MPZL1: variants seen among roughly 807,000 people sequenced by gnomAD.
MPZL1 encodes the protein myelin protein zero like 1, also known as myelin protein zero-like protein 1.
MPZL1 carries 16 observed loss-of-function variants against 29.3 expected under a neutral mutation model. That is an observed-to-expected ratio of 0.55 (90% CI 0.37 to 0.83). MPZL1 has a LOEUF of 0.83. Among genes scored for constraint, MPZL1 ranks in the 40% least tolerant of loss-of-function variants. The probability of loss-of-function intolerance (pLI) is 0.00; values close to 1 mark genes in which losing one functional copy is unlikely to be tolerated. For synonymous variants in MPZL1, 143 were observed against 132.0 expected, an observed-to-expected ratio of 1.08 and a Z score of -0.57; for missense variants, 279 against 332.9, an observed-to-expected ratio of 0.84 and a Z score of 1.26.
At position 167,789,728 on chromosome 1, in the gene MPZL1, C is replaced by T. The variant is rs1292603673; in HGVS notation, c.*1807C>T. ...CATGTCTGAAGCTGGGCAGCGTCTG[C>T]TCTGTGTTCTGTGTGGAATGGAGAA... On this transcript the variant is annotated 3_prime_UTR_variant, in exon 6 of 6. Transcript: ENST00000359523. 1 of 152,192 alleles carries T rather than the reference C, an allele frequency of 6.6e-6. No homozygotes were observed. Among genetic ancestry groups the T allele is most frequent in the Non-Finnish European group, 1.5e-5 (1 of 68,084 alleles). The allele number at this position is 152,192 out of a possible 1,614,324, so 9.4% of individuals were successfully genotyped here. A position where few individuals can be genotyped will look rare whatever the true frequency, so the allele number is the denominator to read the frequency against.
At chr1:167,745,241 A>G (rs1660620653) in intron 1 of MPZL1, among the ~76,000 whole-genome samples, 1 of 152,140 alleles carries the variant, frequency 6.6e-6, no homozygotes, top group Non-Finnish European at 1.5e-5. Context: ...AAAGGGGTAC[A>G]GCTTGAAAGC....
rs190797485 is a variant in MPZL1 at position 167,756,192 on chromosome 1, A to C, written c.92-9391A>C. ...TTTTTACAGTCTCACTCTGTCACAC[A>C]GGCTGGAGTGTAGTGGCACAATCAC... On this transcript the variant is annotated intron_variant, in intron 1 of 5. Coordinates refer to ENST00000359523, the MANE Select transcript of MPZL1 (RefSeq NM_003953.6). Among the ~76,000 whole-genome samples the C allele has an allele frequency of 5.5e-4, 84 of 152,124 alleles. No individual in the cohort carries two copies. In the Middle Eastern group the frequency reaches 0.01, roughly 19 times the overall value.
chr1:167,757,691 C>T (rs1571153889), intron 1 of MPZL1, among the ~76,000 whole-genome samples: 1 of 152,174 alleles, frequency 6.6e-6, no homozygotes, highest in African/African-American at 2.4e-5. Context: ...TTGCTGTGTA[C>T]CAACAAAGAA....
Position 167,772,304 on chromosome 1 carries a change from C to T in MPZL1, c.288C>T (p.Tyr96=). 6.2e-7 allele frequency: 1 copy of T among 1,613,802 alleles called. No individual in the cohort carries two copies. Among genetic ancestry groups the T allele is most frequent in the Non-Finnish European group, 8.5e-7 (1 of 1,179,754 alleles). ...TCCACTACTCCCAAGGGCAAGTGTACCTTGGGAATTATCCACCATTTAAAG... is the reference window on the plus strand; with the variant it reads ...TCCACTACTCCCAAGGGCAAGTGTATCTTGGGAATTATCCACCATTTAAAG... ...SFFHYSQGQV[Y]LGNYPPFKDR... Residue 96 remains tyrosine (Y), a synonymous_variant, in exon 3 of 6, where the codon TAC becomes TAT. Coordinates refer to ENST00000359523, the MANE Select transcript of MPZL1 (RefSeq NM_003953.6).
chr1:167,744,850 G>A (rs1660612301), intron 1 of MPZL1, among the ~76,000 whole-genome samples: 1 of 152,146 alleles, frequency 6.6e-6, no homozygotes, highest in Non-Finnish European at 1.5e-5. Context: ...GATCAAAACA[G>A]AATAATGTTT....
At chr1:167,771,735 A>T (rs1661254121) in intron 2 of MPZL1, among the ~76,000 whole-genome samples, 1 of 152,162 alleles carries the variant, frequency 6.6e-6, no homozygotes, top group African/African-American at 2.4e-5. Context: ...GCAGCTGGGC[A>T]GAGGCTGTAA....
chr1:167,765,475 A>T (rs1378130427), intron 1 of MPZL1, 108 bp from the exon 2 acceptor site: 31 of 832,772 alleles, frequency 3.7e-5, no homozygotes, highest in Admixed American at 6.4e-5. Flanking sequence ...GCAGTGAATT[A>T]CTGTATATAT....
chr1:167,728,901 A>C (rs1660210519), intron 1 of MPZL1, among the ~76,000 whole-genome samples: 1 of 152,190 alleles, frequency 6.6e-6, no homozygotes, highest in Non-Finnish European at 1.5e-5. Flanking sequence ...ACTTGCAATG[A>C]ACATTTTTTC....
Position 167,765,736 on chromosome 1 carries a change from A to G in MPZL1, c.245A>G (p.Asp82Gly), listed in dbSNP as rs756537406. 1.9e-6 allele frequency: 3 copies of G among 1,610,614 alleles called. No individual in the cohort carries two copies. The highest frequency in any genetic ancestry group is 1.7e-5 in the Admixed American group (1 of 59,392). The change falls in exon 2 of 6, where the codon GAC becomes GGC. Residue 82 changes from aspartate (D) to glycine (G), a missense_variant. Coordinates refer to ENST00000359523, the MANE Select transcript of MPZL1 (RefSeq NM_003953.6). ...VSWSFQPEGA[D>G]TTVSFFHYSQ... is the part of the protein sequence containing the mutation. Reference sequence around the variant, plus strand: ...TGGAGCTTCCAGCCAGAGGGGGCCGACACTACTGTGTCGGTAAGAATGCTT... The same window carrying G: ...TGGAGCTTCCAGCCAGAGGGGGCCGGCACTACTGTGTCGGTAAGAATGCTT...
At chr1:167,723,843 C>G (rs115644358) in intron 1 of MPZL1, among the ~76,000 whole-genome samples, 360 of 152,306 alleles carry the variant, frequency 2.4e-3, no homozygotes, top group African/African-American at 8.5e-3. Context: ...GCCAAATCAC[C>G]TCTTTTCTGG....
At chr1:167,724,949 G>A (rs536492875) in intron 1 of MPZL1, among the ~76,000 whole-genome samples, 1 of 152,164 alleles carries the variant, frequency 6.6e-6, no homozygotes, top group Non-Finnish European at 1.5e-5. Flanking sequence ...GAAAAACCAG[G>A]TGAGTTTGGT....
In MPZL1 at chr1:167,751,650, G is replaced by A. The variant is rs539954382; in HGVS notation, c.92-13933G>A. ...GGCACCATTGCACTCCAGCCTGGGC[G>A]ACAGGACGAGACTCCATCTCAAAAA... On this transcript the variant is annotated intron_variant, in intron 1 of 5. Transcript: ENST00000359523. Among the ~76,000 whole-genome samples, 34 of 143,032 alleles carry A rather than the reference G, an allele frequency of 2.4e-4. No individual in the cohort carries two copies. The East Asian group carries it at 4.8e-3, about 20-fold the overall frequency. The allele number at this position is 143,032 out of a possible 152,430, so 93.8% of individuals were successfully genotyped here.
intron 1 of MPZL1, among the ~76,000 whole-genome samples, chr1:167,749,862 A>G (rs762183473): frequency 6.6e-6 from 1 of 152,258 alleles, no homozygotes; most frequent in Non-Finnish European, 1.5e-5. Context: ...TGCAATCAGC[A>G]GTGGCCACAG....
chr1:167,781,639 G>C (rs908120958), intron 5 of MPZL1, among the ~76,000 whole-genome samples: 1 of 152,064 alleles, frequency 6.6e-6, no homozygotes, highest in Non-Finnish European at 1.5e-5. Flanking sequence ...TAAAATTGAT[G>C]ATCTAGGCTT....
chr1:167,733,773 C>T (rs73037834), intron 1 of MPZL1, among the ~76,000 whole-genome samples: 4,407 of 151,168 alleles, frequency 0.029, 232 homozygotes, highest in African/African-American at 0.1. Flanking sequence ...GGCTTAGTGG[C>T]GTGAGCCTGT....
intron 1 of MPZL1, among the ~76,000 whole-genome samples, chr1:167,756,922 G>C (rs1026242466): frequency 6.6e-6 from 1 of 152,196 alleles, no homozygotes; most frequent in Non-Finnish European, 1.5e-5. Flanking sequence ...GGAGCACAGG[G>C]TGGGGAGTGT....
intron 1 of MPZL1, among the ~76,000 whole-genome samples, chr1:167,729,444 G>A (rs1235190736): frequency 6.6e-6 from 1 of 152,132 alleles, no homozygotes; most frequent in African/African-American, 2.4e-5. Context: ...TATATTGTCA[G>A]CTTAGCTTCA....
At chr1:167,766,128 T>C (rs1353387304) in intron 2 of MPZL1, among the ~76,000 whole-genome samples, 1 of 152,248 alleles carries the variant, frequency 6.6e-6, no homozygotes. Context: ...GATTATCTTT[T>C]TTTAATTTAG....
Position 167,791,618 on chromosome 1 carries a change from GC to G in MPZL1, c.*3699del, listed in dbSNP as rs1661717432. 6.6e-6 allele frequency: 1 copy of G among 152,282 alleles called. No individual in the cohort carries two copies. The allele number at this position is 152,282 out of a possible 1,614,324, so 9.4% of individuals were successfully genotyped here. A position where few individuals can be genotyped will look rare whatever the true frequency, so the allele number is the denominator to read the frequency against. ...ACAGAGAAGAGGGGCTGGGCCTGGG[GC>G]CGCTGTTTGATCCACAGCCTTGTTC... is the stretch of plus-strand genomic sequence containing the variant. On this transcript the variant is annotated 3_prime_UTR_variant, in exon 6 of 6. Transcript: ENST00000359523.
Sources: gnomAD v4.1 joint callset for allele counts (sites outside exome capture counted in the v4.1 genomes callset) on GRCh38, gnomAD v4.1.1 for gene constraint, MANE v1.5 for transcripts, NCBI Gene and HGNC (gene_info 2026-07-23, HGNC 2026-07-21) for gene names.